ASAP1: variants seen among roughly 807,000 people sequenced by gnomAD.
ASAP1 encodes arf-GAP with SH3 domain, ANK repeat and PH domain-containing protein 1.
In ASAP1, 43 loss-of-function variants were observed where a neutral mutation model predicts 145.2. The ratio of observed to expected loss-of-function variants is 0.30; its 90% CI spans 0.23 to 0.38. ASAP1 has a LOEUF of 0.38. ASAP1 is among the 10% of genes least tolerant of loss of function. The pLI, the probability that ASAP1 is intolerant of heterozygous loss-of-function variation, is 1.00. For missense variants in ASAP1, 1,018 were observed against 1,355.3 expected (o/e 0.75, Z 3.91); for synonymous variants, 546 against 515.5 (o/e 1.06, Z -0.80).
chr8:130,222,494 C>G (rs1586626221), intron 4 of ASAP1, among the ~76,000 whole-genome samples: 1 of 152,130 alleles, frequency 6.6e-6, no homozygotes, highest in Admixed American at 6.5e-5. Context: ...AGGATTAGAT[C>G]CCACTTCATT....
At chr8:130,159,762 CT>C (rs1284012184) in intron 12 of ASAP1, 101 bp downstream of exon 12, 29 of 879,462 alleles carry the variant, frequency 3.3e-5, no homozygotes, top group Admixed American at 1.9e-4. Flanking sequence ...AGGTCTGCAG[CT>C]AGTGTATTAT....
chr8:130,097,112 T>G (rs1393327978), intron 24 of ASAP1, among the ~76,000 whole-genome samples: 1 of 103,600 alleles, frequency 9.7e-6, no homozygotes, highest in South Asian at 3.4e-4. Flanking sequence ...GGAGACAGAG[T>G]GACAGTTAGT....
chr8:130,387,540 GAA>G (rs772010696), intron 2 of ASAP1, among the ~76,000 whole-genome samples: 2 of 91,444 alleles, frequency 2.2e-5, no homozygotes, highest in Admixed American at 1.1e-4. Flanking sequence ...CATCAAGAAA[GAA>G]AAAAAAAAAA....
At chr8:130,089,359 T>A (rs778822981) in intron 25 of ASAP1, among the ~76,000 whole-genome samples, 1 of 152,112 alleles carries the variant, frequency 6.6e-6, no homozygotes, top group Non-Finnish European at 1.5e-5. Flanking sequence ...AGGTAAGGCC[T>A]GGTGAGAGCT....
At chr8:130,355,923 C>T (rs1826279393) in intron 3 of ASAP1, among the ~76,000 whole-genome samples, 1 of 152,124 alleles carries the variant, frequency 6.6e-6, no homozygotes, top group Admixed American at 6.5e-5. Flanking sequence ...ATTATTGTGC[C>T]ATCCTGAAAC....
chr8:130,347,031 T>C lies in ASAP1; in HGVS notation c.186+10986A>G, dbSNP rs868166100. Among the ~76,000 whole-genome samples, 10 of 152,324 alleles carry C rather than the reference T, an allele frequency of 6.6e-5. No individual in the cohort carries two copies. The South Asian group carries it at 2.1e-3, about 32-fold the overall frequency. ...AGCCGTTCAATGGAAGTAAAGCCATTAGTCCTCACTGGACCTTTAAGCAGG... is the reference window on the plus strand; with the variant it reads ...AGCCGTTCAATGGAAGTAAAGCCATCAGTCCTCACTGGACCTTTAAGCAGG... On this transcript the variant is annotated intron_variant, in intron 3 of 29. Transcript: ENST00000518721.
rs58904969 is a variant in ASAP1 at position 130,194,381 on chromosome 8, CA to C, written c.406-6199del. On this transcript the variant is annotated intron_variant, in intron 5 of 29. Coordinates refer to ENST00000518721, the MANE Select transcript of ASAP1 (RefSeq NM_018482.4). The stretch of plus-strand genomic sequence containing the variant: ...TTTAGGAAATATTCACTGGGGGGAG[CA>C]AAAAAAAAAAAATCCTTTCTTGGAG... Among the ~76,000 whole-genome samples the C allele has an allele frequency of 8.3e-3, 1,100 of 132,824 alleles. 4 individuals are homozygous for C. Among genetic ancestry groups the C allele is most frequent in the African/African-American group, 0.021 (758 of 36,084 alleles). 87.1% of individuals were successfully genotyped at this position (132,824 alleles called of 152,430 possible). A position where few individuals can be genotyped will look rare whatever the true frequency, so the allele number is the denominator to read the frequency against.
intron 1 of ASAP1, among the ~76,000 whole-genome samples, chr8:130,432,906 A>T (rs923956868): frequency 8.5e-5 from 13 of 152,210 alleles, no homozygotes; most frequent in Non-Finnish European, 1.8e-4. Context: ...GGACATCTGA[A>T]GATCAATGTC....
At chr8:130,226,154 C>T (rs1230441568) in intron 4 of ASAP1, among the ~76,000 whole-genome samples, 2 of 151,462 alleles carry the variant, frequency 1.3e-5, no homozygotes, top group African/African-American at 2.4e-5. Context: ...CTGTGATTAA[C>T]GTTTTAAAAG....
chr8:130,204,765 A>C (rs1816095910), intron 5 of ASAP1, among the ~76,000 whole-genome samples: 1 of 152,200 alleles, frequency 6.6e-6, no homozygotes, highest in African/African-American at 2.4e-5. Context: ...CCTTCAGTAG[A>C]CATGTCACAC....
At chr8:130,328,128 G>A (rs1824454315) in intron 3 of ASAP1, among the ~76,000 whole-genome samples, 1 of 152,048 alleles carries the variant, frequency 6.6e-6, no homozygotes, top group African/African-American at 2.4e-5. Context: ...AGTGTCGTAA[G>A]TATTCTACAT....
rs73409355 is a variant in ASAP1 at position 130,317,062 on chromosome 8, A to G, written c.186+40955T>C. ...ATTATACACCTTGAGACTCATTCCT[A>G]TTTTGCTTTTAGTTTCACATCATGC... is the stretch of plus-strand genomic sequence containing the variant. On this transcript the variant is annotated intron_variant, in intron 3 of 29. Coordinates refer to ENST00000518721, the MANE Select transcript of ASAP1 (RefSeq NM_018482.4). Among the ~76,000 whole-genome samples, 971 of 143,648 alleles carry G rather than the reference A, an allele frequency of 6.8e-3. 9 individuals carry two copies. The highest frequency in any genetic ancestry group is 0.024 in the African/African-American group (940 of 38,914). The allele number at this position is 143,648 out of a possible 152,430, so 94.2% of individuals were successfully genotyped here.
Position 130,069,084 on chromosome 8 carries a change from T to G in ASAP1, c.2701+7264A>C, listed in dbSNP as rs557210177. Among the ~76,000 whole-genome samples the G allele has an allele frequency of 2.0e-5, 3 of 152,190 alleles. No homozygotes were observed. In the East Asian group the frequency reaches 5.8e-4, roughly 29 times the overall value. Reference sequence around the variant, plus strand: ...CAGGAAGGTGGAAATTTTAAAATGGTTATTAACAAATAAGGTGAAGAAAAC... The same window carrying G: ...CAGGAAGGTGGAAATTTTAAAATGGGTATTAACAAATAAGGTGAAGAAAAC... On this transcript the variant is annotated intron_variant, in intron 27 of 29. Coordinates refer to ENST00000518721, the MANE Select transcript of ASAP1 (RefSeq NM_018482.4).
At chr8:130,260,464 T>C (rs1819826982) in intron 3 of ASAP1, among the ~76,000 whole-genome samples, 1 of 152,224 alleles carries the variant, frequency 6.6e-6, no homozygotes, top group South Asian at 2.1e-4. Context: ...CATATTCTAA[T>C]TGCCATATTA....
intron 5 of ASAP1, among the ~76,000 whole-genome samples, chr8:130,194,559 C>G (rs1815353665): frequency 6.6e-6 from 1 of 152,160 alleles, no homozygotes; most frequent in Admixed American, 6.5e-5. Flanking sequence ...TATTAGCAGT[C>G]CCCAACCTTT....
At position 130,196,534 on chromosome 8, in the gene ASAP1, C is replaced by T. The variant is rs571818160; in HGVS notation, c.406-8351G>A. On this transcript the variant is annotated intron_variant, in intron 5 of 29. Transcript: ENST00000518721. ...GAAAGACAGTCAGTCAGCAGGGCCT[C>T]GTTTTTTCTTGCCTCTGACAGAAGA... is the stretch of plus-strand genomic sequence containing the variant. Among the ~76,000 whole-genome samples, 37 of 152,302 alleles carry T rather than the reference C, an allele frequency of 2.4e-4. 1 individual carries two copies. Among genetic ancestry groups the T allele is most frequent in the African/African-American group, 7.9e-4 (33 of 41,574 alleles).
chr8:130,103,737 T>C (rs1384165043), intron 24 of ASAP1, among the ~76,000 whole-genome samples: 1 of 152,130 alleles, frequency 6.6e-6, no homozygotes, highest in Non-Finnish European at 1.5e-5. Context: ...CTTGAATTCC[T>C]GACCTCCCTC....
chr8:130,399,913 G>A (rs753510091), intron 2 of ASAP1, among the ~76,000 whole-genome samples: 11 of 149,880 alleles, frequency 7.3e-5, no homozygotes, highest in Non-Finnish European at 8.8e-5. Flanking sequence ...TCTGCCTCGC[G>A]GGTTCAAGAG....
chr8:130,344,534 T>C (rs1383421730), intron 3 of ASAP1, among the ~76,000 whole-genome samples: 2 of 152,212 alleles, frequency 1.3e-5, no homozygotes, highest in Admixed American at 1.3e-4. Context: ...TGAATGATAG[T>C]TACATGTCGC....
Sources: gnomAD v4.1 joint callset for allele counts (sites outside exome capture counted in the v4.1 genomes callset) on GRCh38, gnomAD v4.1.1 for gene constraint, MANE v1.5 for transcripts, NCBI Gene and HGNC (gene_info 2026-07-23, HGNC 2026-07-21) for gene names.